Variants in LGR5 observed in about 807,000 individuals in gnomAD.
LGR5 encodes leucine rich repeat containing G protein-coupled receptor 5.
A neutral mutation model predicts 76.7 loss-of-function variants in LGR5; 54 were observed. That is an observed-to-expected ratio of 0.70 (90% CI 0.57 to 0.88). LGR5 has a LOEUF of 0.88. Among genes scored for constraint, LGR5 ranks in the 40% least tolerant of loss-of-function variants. LGR5 has a pLI of 0.00. For missense variants in LGR5, 1,078 were observed against 1,073.3 expected, an observed-to-expected ratio of 1.00 and a Z score of -0.06; for synonymous variants, 406 against 421.9, an observed-to-expected ratio of 0.96 and a Z score of 0.46.
At chr12:71,533,931 T>C (rs1194910479) in intron 3 of LGR5, among the ~76,000 whole-genome samples, 1 of 152,218 alleles carries the variant, frequency 6.6e-6, no homozygotes, top group Non-Finnish European at 1.5e-5. Flanking sequence ...AAGAGAATGC[T>C]GCCTGGTGCA....
intron 1 of LGR5, among the ~76,000 whole-genome samples, chr12:71,442,127 T>G (rs1871795288): frequency 6.6e-6 from 1 of 152,228 alleles, no homozygotes; most frequent in Non-Finnish European, 1.5e-5. Context: ...ATAAAATATG[T>G]TTAAGGATAC....
intron 1 of LGR5, among the ~76,000 whole-genome samples, chr12:71,497,192 G>A (rs12827767): frequency 0.047 from 7,093 of 152,152 alleles, 209 homozygotes; most frequent in Non-Finnish European, 0.07. Context: ...GTGCAAACCT[G>A]TGGTTCCAGC....
intron 1 of LGR5, among the ~76,000 whole-genome samples, chr12:71,444,813 A>T (rs1871910524): frequency 6.6e-6 from 1 of 152,198 alleles, no homozygotes; most frequent in Admixed American, 6.5e-5. Flanking sequence ...AGTTTTCAAA[A>T]TATATATCTA....
chr12:71,499,704 C>T (rs1874506989), intron 1 of LGR5, among the ~76,000 whole-genome samples: 1 of 152,136 alleles, frequency 6.6e-6, no homozygotes, highest in African/African-American at 2.4e-5. Flanking sequence ...CCAAGCCATT[C>T]ATCCTGCTTG....
At chr12:71,522,537 T>C (rs1205103675) in intron 2 of LGR5, among the ~76,000 whole-genome samples, 1 of 152,182 alleles carries the variant, frequency 6.6e-6, no homozygotes. Context: ...CCCCAATCCA[T>C]TTTCACAAAT....
chr12:71,548,301 C>CTGTGTGTGTGTGTGTGTGTGTGTGTG lies in LGR5; in HGVS notation c.429-4748_429-4747insTGTGTGTGTGTGTGTGTGTGTGTGTG, dbSNP rs10629001. On this transcript the variant is annotated intron_variant, in intron 4 of 17. Coordinates refer to ENST00000266674, the MANE Select transcript of LGR5 (RefSeq NM_003667.4). ...GAACAAAACTATTTGCCTTGTTGCA[C>CTGTGTGTGTGTGTGTGTGTGTGTGTG]TGTGTGTGTGTGTGTGTGTGTGTGC... 4.3e-3 allele frequency among the ~76,000 whole-genome samples: 443 copies of CTGTGTGTGTGTGTGTGTGTGTGTGTG among 104,072 alleles called. 1 individual carries two copies. Among genetic ancestry groups the CTGTGTGTGTGTGTGTGTGTGTGTGTG allele is most frequent in the Middle Eastern group, 0.017 (3 of 176 alleles). 68.3% of individuals were successfully genotyped at this position (104,072 alleles called of 152,430 possible).
intron 4 of LGR5, among the ~76,000 whole-genome samples, chr12:71,548,321 G>GTGTGTGTGTGTGTGTGTGTA (rs147007812): frequency 1.7e-4 from 26 of 151,260 alleles, no homozygotes; most frequent in East Asian, 3.9e-4. Context: ...GTGTGTGTGT[G>GTGTGTGTGTGTGTGTGTGTA]TGTGCGTAGA....
chr12:71,537,629 A>G (rs1876666212), intron 4 of LGR5, among the ~76,000 whole-genome samples: 1 of 152,162 alleles, frequency 6.6e-6, no homozygotes, highest in Non-Finnish European at 1.5e-5. Context: ...GCCCCTTTAA[A>G]GTTCTATTGT....
In LGR5 at chr12:71,583,678, T is replaced by C. The variant is rs779393660; in HGVS notation, c.1668T>C (p.Asp556=). 6.2e-7 allele frequency: 1 copy of C among 1,613,880 alleles called. No homozygotes were observed. Among genetic ancestry groups the C allele is most frequent in the Admixed American group, 1.7e-5 (1 of 60,022 alleles). The change falls in exon 18 of 18, where the codon GAT becomes GAC. Residue 556 remains aspartate (D), a synonymous_variant. Transcript: ENST00000266674. ...TCAAACCCTGTGAACACCTGCTTGA[T>C]GGCTGGCTGATCAGAATTGGAGTGT... The part of the protein sequence containing the change: ...GPFKPCEHLL[D]GWLIRIGVWT...
intron 1 of LGR5, among the ~76,000 whole-genome samples, chr12:71,459,163 G>A (rs993903265): frequency 6.6e-6 from 1 of 152,054 alleles, no homozygotes; most frequent in Non-Finnish European, 1.5e-5. Context: ...CCTCCTGTGA[G>A]ATCTGACCTA....
chr12:71,584,327 T>C lies in LGR5; in HGVS notation c.2317T>C (p.Phe773Leu), dbSNP rs989107500. The C allele has an allele frequency of 2.5e-6, 4 of 1,614,250 alleles. No individual in the cohort carries two copies. The highest frequency in any genetic ancestry group is 3.4e-6 in the Non-Finnish European group (4 of 1,180,038). ...SMVKHIALLL[F>L]TNCILNCPVA... ...GGTAAAACACATTGCCCTGTTGCTC[T>C]TCACCAACTGCATCCTAAACTGCCC... is the stretch of plus-strand genomic sequence containing the variant. The change falls in exon 18 of 18, where the codon TTC becomes CTC. Residue 773 changes from phenylalanine (F) to leucine (L), a missense_variant. Coordinates refer to ENST00000266674, the MANE Select transcript of LGR5 (RefSeq NM_003667.4).
intron 3 of LGR5, among the ~76,000 whole-genome samples, chr12:71,530,415 C>A (rs1876244624): frequency 6.6e-6 from 1 of 152,080 alleles, no homozygotes; most frequent in Non-Finnish European, 1.5e-5. Context: ...TAATATTTGT[C>A]TGGGGCCCTG....
intron 2 of LGR5, 30 bp downstream of exon 2, chr12:71,504,715 A>G: frequency 6.7e-7 from 1 of 1,496,300 alleles, no homozygotes; most frequent in Non-Finnish European, 9.3e-7. Context: ...TGATGCATCC[A>G]GTCAACACTG....
intron 2 of LGR5, among the ~76,000 whole-genome samples, chr12:71,516,663 A>T (rs952739273): frequency 1.3e-5 from 2 of 152,226 alleles, no homozygotes; most frequent in Non-Finnish European, 2.9e-5. Context: ...TAAAGATTCA[A>T]ATTACTTTAA....
rs1278952319 is a variant in LGR5 at position 71,440,444 on chromosome 12, C to T, written c.212+152C>T. 18 of 711,614 alleles carry T rather than the reference C, an allele frequency of 2.5e-5. 1 individual carries two copies. The highest frequency in any genetic ancestry group is 4.1e-5 in the Non-Finnish European group (17 of 418,098). 44.1% of individuals were successfully genotyped at this position (711,614 alleles called of 1,614,324 possible). ...ATCCTGGCCAGGCCTGTTAGGGCCC[C>T]CAGAGAAATGCACGTGTCTCGGGGA... On this transcript the variant is annotated intron_variant, in intron 1 of 17. Transcript: ENST00000266674. This position sits in a 1 kb window ranked among gnomAD's most constrained non-coding sequence, Gnocchi z 5.3.
intron 1 of LGR5, among the ~76,000 whole-genome samples, chr12:71,495,980 AG>A (rs1874297342): frequency 6.6e-6 from 1 of 152,182 alleles, no homozygotes; most frequent in Non-Finnish European, 1.5e-5. Flanking sequence ...TGATGGTCAA[AG>A]TCACGTGAAA....
chr12:71,498,643 C>T (rs1241583483), intron 1 of LGR5, among the ~76,000 whole-genome samples: 1 of 152,202 alleles, frequency 6.6e-6, no homozygotes, highest in East Asian at 1.9e-4. Context: ...CCAAAGGCAC[C>T]ATCTCCAAAT....
chr12:71,560,776 GA>G (rs1158471931), intron 7 of LGR5, among the ~76,000 whole-genome samples: 1 of 152,178 alleles, frequency 6.6e-6, no homozygotes, highest in Non-Finnish European at 1.5e-5. Flanking sequence ...CTGGGAGACA[GA>G]ACAAGATTCT....
intron 1 of LGR5, among the ~76,000 whole-genome samples, chr12:71,489,321 G>A (rs1873964731): frequency 6.6e-6 from 1 of 152,104 alleles, no homozygotes; most frequent in Non-Finnish European, 1.5e-5. Context: ...TTTTAAGAGT[G>A]GCATTTTCAG....
Sources: gnomAD v4.1 joint callset for allele counts (sites outside exome capture counted in the v4.1 genomes callset) on GRCh38, gnomAD v4.1.1 for gene constraint, Gnocchi (gnomAD v3.1) non-coding constraint, MANE v1.5 for transcripts, NCBI Gene and HGNC (gene_info 2026-07-23, HGNC 2026-07-21) for gene names.